CDH7: variants seen among roughly 807,000 people sequenced by gnomAD.
CDH7 encodes cadherin-7.
CDH7 carries 25 observed loss-of-function variants against 71.8 expected under a neutral mutation model. That is an observed-to-expected ratio of 0.35 (90% confidence interval 0.25 to 0.49). The LOEUF (loss-of-function observed/expected upper bound fraction) is 0.49, where lower values mean the gene tolerates loss of function less well. Among genes scored for constraint, CDH7 ranks in the 20% least tolerant of loss-of-function variants. The probability of loss-of-function intolerance (pLI) is 0.99; values close to 1 mark genes in which losing one functional copy is unlikely to be tolerated. For synonymous variants in CDH7, 381 were observed against 363.8 expected (o/e 1.05, Z -0.54); for missense variants, 862 against 974.6 (o/e 0.88, Z 1.54).
rs1568226752 is a variant in CDH7 at position 65,862,658 on chromosome 18, T to C, written c.1613-8T>C. On this transcript the variant is annotated splice_region_variant and splice_polypyrimidine_tract_variant and intron_variant, in intron 10 of 11. Coordinates refer to ENST00000397968, the MANE Select transcript of CDH7 (RefSeq NM_004361.5). ...TCTGGTGTTATACATTTGCTTTCGT[T>C]ATCCTAGACAACACAGCCTCAATAC... The C allele has an allele frequency of 6.2e-7, 1 of 1,612,328 alleles. No homozygotes were observed. The highest frequency in any genetic ancestry group is 2.2e-5 in the East Asian group (1 of 44,830).
At chr18:65,758,835 A>T (rs1568169781) in intron 1 of CDH7, among the ~76,000 whole-genome samples, 2 of 152,364 alleles carry the variant, frequency 1.3e-5, no homozygotes, top group South Asian at 2.1e-4. Context: ...GAAAATGAGC[A>T]TTATGTAAAT....
intron 4 of CDH7, among the ~76,000 whole-genome samples, chr18:65,814,807 G>C (rs542624441): frequency 1.6e-4 from 24 of 151,960 alleles, no homozygotes; most frequent in Non-Finnish European, 3.4e-4. Context: ...TCTTAACAAA[G>C]TTAAAAATAA....
chr18:65,851,726 A>G (rs959560778), intron 7 of CDH7, among the ~76,000 whole-genome samples: 1 of 152,232 alleles, frequency 6.6e-6, no homozygotes, highest in Non-Finnish European at 1.5e-5. Context: ...AGATCTGAAA[A>G]TGAGAATTCA....
At chr18:65,753,650 G>A (rs1229422317) in intron 1 of CDH7, among the ~76,000 whole-genome samples, 1 of 152,174 alleles carries the variant, frequency 6.6e-6, no homozygotes, top group East Asian at 1.9e-4. Flanking sequence ...TGAGGACAAG[G>A]AAAGAAGACA....
chr18:65,760,000 C>A (rs2143781377), intron 1 of CDH7, among the ~76,000 whole-genome samples: 1 of 152,120 alleles, frequency 6.6e-6, no homozygotes, highest in South Asian at 2.1e-4. Context: ...TCTCTGGAAC[C>A]AACTACAACT....
chr18:65,762,705 C>T lies in CDH7; in HGVS notation c.-138C>T. On this transcript the variant is annotated 5_prime_UTR_variant, in exon 2 of 12. Transcript: ENST00000397968. Reference sequence around the variant, plus strand: ...TCAGCAGTGGTGACCTCTTCCAATCCAACACTCTACAGATTATTATCTCTG... The same window carrying T: ...TCAGCAGTGGTGACCTCTTCCAATCTAACACTCTACAGATTATTATCTCTG... 1 of 659,290 alleles carries T rather than the reference C, an allele frequency of 1.5e-6. No homozygotes were observed. The highest frequency in any genetic ancestry group is 2.6e-6 in the Non-Finnish European group (1 of 390,328). 40.8% of individuals were successfully genotyped at this position (659,290 alleles called of 1,614,324 possible).
intron 1 of CDH7, among the ~76,000 whole-genome samples, chr18:65,755,414 A>T (rs1208692233): frequency 1.3e-5 from 2 of 152,230 alleles, no homozygotes; most frequent in East Asian, 1.9e-4. Flanking sequence ...GAATTTGAAG[A>T]TTTTAAAATG....
rs1278386764 is a variant in CDH7 at position 65,888,371 on chromosome 18, A to T, written c.*7477A>T. The stretch of plus-strand genomic sequence containing the variant: ...AAAAAATTATCACAGAGTAAGATAC[A>T]TAGAAGAAAATAATTTCCGCAATTC... On this transcript the variant is annotated 3_prime_UTR_variant, in exon 12 of 12. Transcript: ENST00000397968. 1 of 152,158 alleles carries T rather than the reference A, an allele frequency of 6.6e-6. No individual in the cohort carries two copies. The highest frequency in any genetic ancestry group is 1.9e-4 in the East Asian group (1 of 5,178). The allele number at this position is 152,158 out of a possible 1,614,324, so 9.4% of individuals were successfully genotyped here.
intron 2 of CDH7, among the ~76,000 whole-genome samples, chr18:65,799,075 ACTC>A (rs1370535076): frequency 1.3e-5 from 2 of 151,582 alleles, no homozygotes; most frequent in Non-Finnish European, 2.9e-5. Context: ...CTCATCTACA[ACTC>A]CTCCTTGGAC....
chr18:65,832,769 A>G (rs1381667132), intron 6 of CDH7, among the ~76,000 whole-genome samples: 1 of 152,128 alleles, frequency 6.6e-6, no homozygotes, highest in Admixed American at 6.6e-5. Context: ...TACATTTGCT[A>G]TCATAACTTA....
rs1914237136 is a variant in CDH7, at chr18:65,881,703, T to C, written c.*809T>C. 6.6e-6 allele frequency: 1 copy of C among 152,170 alleles called. No individual in the cohort carries two copies. The highest frequency in any genetic ancestry group is 2.4e-5 in the African/African-American group (1 of 41,452). The allele number at this position is 152,170 out of a possible 1,614,324, so 9.4% of individuals were successfully genotyped here. On this transcript the variant is annotated 3_prime_UTR_variant, in exon 12 of 12. Transcript: ENST00000397968. The stretch of plus-strand genomic sequence containing the variant: ...TTTTTATTTGACACATGGTGTTGTA[T>C]TTATTTTGGAGCTCCAATCTCCACT...
intron 2 of CDH7, among the ~76,000 whole-genome samples, chr18:65,794,083 A>C (rs1910816553): frequency 6.6e-6 from 1 of 152,150 alleles, no homozygotes; most frequent in Non-Finnish European, 1.5e-5. Flanking sequence ...ACATACTATC[A>C]ATTATAAGAT....
intron 7 of CDH7, among the ~76,000 whole-genome samples, chr18:65,854,920 C>CGTAGATATAT (rs61208244): frequency 5.5e-5 from 8 of 145,448 alleles, no homozygotes; most frequent in African/African-American, 2.0e-4. Context: ...TATGTGTACA[C>CGTAGATATAT]ATATATATAT....
intron 7 of CDH7, among the ~76,000 whole-genome samples, chr18:65,854,067 G>A (rs1443503111): frequency 6.6e-6 from 1 of 150,928 alleles, no homozygotes; most frequent in Non-Finnish European, 1.5e-5. Flanking sequence ...CACTTTGAGA[G>A]GCTGAGGCAG....
intron 6 of CDH7, among the ~76,000 whole-genome samples, chr18:65,835,141 G>A (rs961767416): frequency 2.0e-5 from 3 of 152,132 alleles, no homozygotes; most frequent in Non-Finnish European, 4.4e-5. Flanking sequence ...GGCTACCTGG[G>A]CTGGTTCCAA....
intron 1 of CDH7, among the ~76,000 whole-genome samples, chr18:65,758,659 A>G (rs1916102774): frequency 1.3e-5 from 2 of 152,238 alleles, no homozygotes; most frequent in East Asian, 1.9e-4. Flanking sequence ...GGTAAAGACA[A>G]TTTAGCTCAA....
intron 2 of CDH7, among the ~76,000 whole-genome samples, chr18:65,774,640 G>A (rs112133407): frequency 0.011 from 1,639 of 152,116 alleles, 32 homozygotes; most frequent in African/African-American, 0.038. Context: ...GTCATTGGGA[G>A]TGTCTACAGC....
chr18:65,867,463 C>T (rs1394947908), intron 11 of CDH7, among the ~76,000 whole-genome samples: 2 of 152,036 alleles, frequency 1.3e-5, no homozygotes, highest in African/African-American at 4.8e-5. Flanking sequence ...AGGCTAAAAA[C>T]ACTTTAAAGA....
intron 6 of CDH7, among the ~76,000 whole-genome samples, chr18:65,837,614 G>T (rs1217792616): frequency 2.6e-5 from 4 of 152,164 alleles, no homozygotes; most frequent in Non-Finnish European, 1.5e-5. Context: ...TATTAAAAGG[G>T]CAGAAAAAAG....
Sources: allele counts gnomAD v4.1 joint callset (sites outside exome capture counted in the v4.1 genomes callset), GRCh38; gene constraint gnomAD v4.1.1; transcripts MANE v1.5; gene names NCBI Gene and HGNC (gene_info 2026-07-23, HGNC 2026-07-21).